The following OPCML variants were observed in gnomAD, a reference collection of about 807,000 sequenced individuals.
OPCML encodes opioid-binding protein/cell adhesion molecule.
OPCML carries 13 observed loss-of-function variants against 37.8 expected under a neutral mutation model. The ratio of observed to expected loss-of-function variants is 0.34; its 90% confidence interval spans 0.22 to 0.55. The LOEUF (loss-of-function observed/expected upper bound fraction) is 0.55. OPCML is among the 20% of genes least tolerant of loss of function. OPCML has a pLI of 0.91. For synonymous variants in OPCML, 176 were observed against 168.8 expected (o/e 1.04, Z -0.33); for missense variants, 341 against 435.6 (o/e 0.78, Z 1.93).
rs139147388 is a variant in OPCML at position 133,422,905 on chromosome 11, C to T, written c.61+109359G>A. ...TAGGATGAAGAATCTCATTTGACATCACCAGAAAATAGCTGGTAGCAGAAC... is the reference window on the plus strand; with the variant it reads ...TAGGATGAAGAATCTCATTTGACATTACCAGAAAATAGCTGGTAGCAGAAC... On this transcript the variant is annotated intron_variant, in intron 1 of 7. Coordinates refer to ENST00000524381, the MANE Select transcript of OPCML (RefSeq NM_001012393.5). The T allele has an allele frequency of 2.8e-4, 273 of 973,272 alleles. No homozygotes were observed. The African/African-American group carries it at 4.3e-3, about 15-fold the overall frequency. 60.3% of individuals were successfully genotyped at this position (973,272 alleles called of 1,614,324 possible).
intron 1 of OPCML, among the ~76,000 whole-genome samples, chr11:133,197,817 G>A (rs762061810): frequency 3.3e-5 from 5 of 152,154 alleles, no homozygotes; most frequent in Admixed American, 6.5e-5. Context: ...AGCGTGATCC[G>A]AGTAGGACGC....
intron 1 of OPCML, among the ~76,000 whole-genome samples, chr11:133,462,182 G>T (rs1351255681): frequency 6.6e-6 from 1 of 151,810 alleles, no homozygotes; most frequent in African/African-American, 2.4e-5. Flanking sequence ...TTATTAAAAG[G>T]TAATCAACTC....
intron 4 of OPCML, among the ~76,000 whole-genome samples, chr11:132,459,732 T>C (rs976785241): frequency 2.0e-5 from 2 of 100,012 alleles, no homozygotes; most frequent in Non-Finnish European, 3.9e-5. Context: ...TACTTCGTTA[T>C]ACGAAAGTTA....
At chr11:133,384,978 GC>G (rs1242144666) in intron 1 of OPCML, among the ~76,000 whole-genome samples, 1 of 152,236 alleles carries the variant, frequency 6.6e-6, no homozygotes, top group Non-Finnish European at 1.5e-5. Context: ...TCCCAGGGTG[GC>G]CCCGAGGTCT....
chr11:133,202,631 G>T (rs895531391), intron 1 of OPCML, among the ~76,000 whole-genome samples: 1 of 152,210 alleles, frequency 6.6e-6, no homozygotes, highest in Non-Finnish European at 1.5e-5. Flanking sequence ...ATGATTTCAA[G>T]GTAATGTTTC....
chr11:133,168,496 G>A (rs187773134), intron 1 of OPCML, among the ~76,000 whole-genome samples: 113 of 152,248 alleles, frequency 7.4e-4, no homozygotes, highest in African/African-American at 2.7e-3. Flanking sequence ...GACCAAAATT[G>A]GTGTCATGTA....
intron 1 of OPCML, among the ~76,000 whole-genome samples, chr11:133,332,550 G>T (rs1450418707): frequency 6.6e-6 from 1 of 152,118 alleles, no homozygotes; most frequent in Admixed American, 6.5e-5. Context: ...TCCAGCTTTT[G>T]CCCATTCAGT....
chr11:133,026,394 C>T (rs1947555591), intron 1 of OPCML: 1 of 985,426 alleles, frequency 1.0e-6, no homozygotes, highest in East Asian at 1.1e-4. Context: ...GAGTGAGCAC[C>T]TTGCCTGCCT....
intron 1 of OPCML, among the ~76,000 whole-genome samples, chr11:132,944,064 G>A (rs1325149785): frequency 2.0e-5 from 3 of 151,978 alleles, no homozygotes. Flanking sequence ...AACCTCCGCC[G>A]CGCCCACCGG....
chr11:133,415,185 G>T (rs901713088), intron 1 of OPCML, among the ~76,000 whole-genome samples: 1 of 152,060 alleles, frequency 6.6e-6, no homozygotes, highest in Non-Finnish European at 1.5e-5. Flanking sequence ...CGAGGCGGGC[G>T]GATCACGAGG....
At chr11:132,597,500 T>C (rs1347550896) in intron 3 of OPCML, among the ~76,000 whole-genome samples, 16 of 152,184 alleles carry the variant, frequency 1.1e-4, no homozygotes, top group Non-Finnish European at 2.9e-5. Flanking sequence ...CCAAACTTTA[T>C]CAGATGCAAG....
intron 1 of OPCML, among the ~76,000 whole-genome samples, chr11:133,145,539 C>T (rs953596844): frequency 6.6e-6 from 1 of 152,164 alleles, no homozygotes; most frequent in Non-Finnish European, 1.5e-5. Context: ...TTGAGAACTT[C>T]AAATGTGAGG....
At chr11:132,762,297 C>A (rs1301363801) in intron 2 of OPCML, among the ~76,000 whole-genome samples, 1 of 152,202 alleles carries the variant, frequency 6.6e-6, no homozygotes, top group African/African-American at 2.4e-5. Context: ...GGTCAGGGAC[C>A]CACTTGAGGG....
intron 1 of OPCML, among the ~76,000 whole-genome samples, chr11:133,105,867 A>G (rs1323009020): frequency 6.6e-6 from 1 of 152,150 alleles, no homozygotes; most frequent in Non-Finnish European, 1.5e-5. Context: ...CTGTAATCCC[A>G]GCTACTCAGG....
At chr11:133,282,916 G>A (rs1942197987) in intron 1 of OPCML, among the ~76,000 whole-genome samples, 1 of 152,174 alleles carries the variant, frequency 6.6e-6, no homozygotes, top group South Asian at 2.1e-4. Context: ...CTTCCTGTTG[G>A]ACAATTTCTC....
At chr11:133,355,004 T>C (rs989919142) in intron 1 of OPCML, among the ~76,000 whole-genome samples, 3 of 152,202 alleles carry the variant, frequency 2.0e-5, no homozygotes, top group African/African-American at 7.2e-5. Context: ...AGAAAATGAC[T>C]AGCTACTAGG....
chr11:132,830,780 A>T (rs1347896396), intron 2 of OPCML, among the ~76,000 whole-genome samples: 2 of 152,160 alleles, frequency 1.3e-5, no homozygotes, highest in Non-Finnish European at 2.9e-5. Flanking sequence ...TACCTTTCTA[A>T]GGACAAGAAA....
intron 1 of OPCML, chr11:133,003,975 C>T (rs775796548): frequency 1.1e-4 from 105 of 985,296 alleles, no homozygotes; most frequent in Non-Finnish European, 1.2e-4. Context: ...GCAGATCCCT[C>T]GAGAAGTCCC....
chr11:133,505,929 T>C (rs1437007860), intron 1 of OPCML, among the ~76,000 whole-genome samples: 11 of 152,230 alleles, frequency 7.2e-5, no homozygotes, highest in African/African-American at 2.7e-4. Flanking sequence ...GACTAGGACC[T>C]ATTGGTTAGA....
Sources: gnomAD v4.1 joint callset for allele counts (sites outside exome capture counted in the v4.1 genomes callset) on GRCh38, gnomAD v4.1.1 for gene constraint, MANE v1.5 for transcripts, NCBI Gene and HGNC (gene_info 2026-07-23, HGNC 2026-07-21) for gene names.